The following SMAD6 variants were observed in gnomAD, a reference collection of about 807,000 sequenced individuals.
The protein encoded by SMAD6 is MAD homolog 6.
In SMAD6, 103 loss-of-function variants were observed where a neutral mutation model predicts 39.4. The ratio of observed to expected loss-of-function variants is 2.62; its 90% CI spans 2.23 to 3.08. The LOEUF (loss-of-function observed/expected upper bound fraction) is 3.08, where lower values mean the gene tolerates loss of function less well. Among genes scored for constraint, SMAD6 ranks in the 30% most tolerant of loss-of-function variants. The pLI, the probability that SMAD6 is intolerant of heterozygous loss-of-function variation, is 0.00. For missense variants in SMAD6, 1,104 were observed against 742.9 expected, an observed-to-expected ratio of 1.49 and a Z score of -5.65; for synonymous variants, 445 against 353.3, an observed-to-expected ratio of 1.26 and a Z score of -2.91.
intron 3 of SMAD6, among the ~76,000 whole-genome samples, chr15:66,766,048 A>C (rs1477510279): frequency 1.3e-5 from 2 of 152,212 alleles, no homozygotes; most frequent in Admixed American, 6.5e-5. Flanking sequence ...GGGAAGGAAA[A>C]GTTTGACTTT....
At position 66,703,431 on chromosome 15, in the gene SMAD6, C is replaced by G. The variant is rs756752655; in HGVS notation, c.173C>G (p.Ser58Cys). The change falls in exon 1 of 4, where the codon TCC becomes TGC. Residue 58 changes from serine to cysteine, a missense_variant. By Grantham distance (112) the Ser-to-Cys change is moderately radical. Transcript: ENST00000288840. ...AGAGAGGGCGGAGGCTGCGGCCGCT[C>G]CGAAGTCCGCCCGGTAGCCCCGCGG... ...RAREGGGCGR[S>C]EVRPVAPRRP... 271 of 1,292,696 alleles carry G rather than the reference C, an allele frequency of 2.1e-4. 1 individual carries two copies. Among genetic ancestry groups the G allele is most frequent in the Non-Finnish European group, 2.4e-4 (248 of 1,017,248 alleles). 80.1% of individuals were successfully genotyped at this position (1,292,696 alleles called of 1,614,324 possible).
chr15:66,758,343 A>T (rs1174340843), intron 3 of SMAD6, among the ~76,000 whole-genome samples: 1 of 152,164 alleles, frequency 6.6e-6, no homozygotes, highest in Non-Finnish European at 1.5e-5. Context: ...CAACAACAAA[A>T]CATGATAAAT....
intron 1 of SMAD6, chr15:66,705,658 G>T (rs1386244945): frequency 3.9e-5 from 6 of 152,132 alleles, no homozygotes; most frequent in African/African-American, 1.5e-4. Context: ...GCAGATGTTT[G>T]TTGAGCAATT....
intron 3 of SMAD6, among the ~76,000 whole-genome samples, chr15:66,719,224 G>A (rs1314168251): frequency 1.3e-5 from 2 of 152,218 alleles, no homozygotes; most frequent in African/African-American, 4.8e-5. Context: ...CTCACACCCT[G>A]AGGGCCCTGC....
At chr15:66,739,751 C>G (rs949575438) in intron 3 of SMAD6, among the ~76,000 whole-genome samples, 2 of 152,040 alleles carry the variant, frequency 1.3e-5, no homozygotes, top group South Asian at 4.1e-4. Context: ...ATCTGACTGT[C>G]CAGAGATAAC....
intron 3 of SMAD6, among the ~76,000 whole-genome samples, chr15:66,751,420 C>T (rs558425977): frequency 1.3e-5 from 2 of 152,206 alleles, no homozygotes; most frequent in South Asian, 4.1e-4. Context: ...CATTCCCACT[C>T]CCTTCCCTTC....
chr15:66,755,668 C>T (rs1235678343), intron 3 of SMAD6, among the ~76,000 whole-genome samples: 1 of 152,204 alleles, frequency 6.6e-6, no homozygotes, highest in Non-Finnish European at 1.5e-5. Context: ...TACCTGGGCT[C>T]CAGGTGGAAG....
intron 3 of SMAD6, among the ~76,000 whole-genome samples, chr15:66,770,312 GAGAACTC>G (rs1377247572): frequency 6.6e-6 from 1 of 152,192 alleles, no homozygotes; most frequent in Non-Finnish European, 1.5e-5. Context: ...TGCCTGAGAT[GAGAACTC>G]AGGCCCAGCC....
At chr15:66,754,555 CT>C (rs1391337778) in intron 3 of SMAD6, among the ~76,000 whole-genome samples, 5 of 152,132 alleles carry the variant, frequency 3.3e-5, no homozygotes, top group Non-Finnish European at 7.4e-5. Flanking sequence ...TTCATTTATT[CT>C]CATTTTCATA....
chr15:66,742,449 C>T (rs1893831662), intron 3 of SMAD6, among the ~76,000 whole-genome samples: 1 of 152,094 alleles, frequency 6.6e-6, no homozygotes, highest in Admixed American at 6.5e-5. Flanking sequence ...GGCTTCTTCC[C>T]AGTGCGCCTG....
Position 66,781,028 on chromosome 15 carries a change from G to T in SMAD6, c.984G>T (p.Pro328=). 6.3e-7 allele frequency: 1 copy of T among 1,594,288 alleles called. No individual in the cohort carries two copies. Among genetic ancestry groups the T allele is most frequent in the African/African-American group, 1.3e-5 (1 of 74,736 alleles). Reference sequence around the variant, plus strand: ...GCATGTCTCCGGACGCCACCAAGCCGAGCCACTGGTGCAGCGTGGCGTACT... The same window carrying T: ...GCATGTCTCCGGACGCCACCAAGCCTAGCCACTGGTGCAGCGTGGCGTACT... The part of the protein sequence containing the change: ...DASMSPDATK[P]SHWCSVAYWE... Residue 328 remains proline, a synonymous_variant, in exon 4 of 4, where the codon CCG becomes CCT. Coordinates refer to ENST00000288840, the MANE Select transcript of SMAD6 (RefSeq NM_005585.5).
chr15:66,742,926 C>A (rs148164936), intron 3 of SMAD6, among the ~76,000 whole-genome samples: 130 of 152,274 alleles, frequency 8.5e-4, no homozygotes, highest in Middle Eastern at 3.4e-3. Flanking sequence ...CCTAGAGTCC[C>A]CCACCTGGAG....
At chr15:66,710,078 C>G (rs1893197949) in intron 1 of SMAD6, among the ~76,000 whole-genome samples, 1 of 152,188 alleles carries the variant, frequency 6.6e-6, no homozygotes, top group Non-Finnish European at 1.5e-5. Flanking sequence ...TATTGGGTGG[C>G]AGAGCAGAGT....
chr15:66,716,375 C>T (rs771055433), intron 2 of SMAD6, 46 bp from the exon 3 acceptor site: 140 of 1,346,510 alleles, frequency 1.0e-4, no homozygotes, highest in South Asian at 1.6e-4. Context: ...AAAAAGAGAG[C>T]GCTGCCCCAC....
At chr15:66,705,175 G>A (rs983290440) in intron 1 of SMAD6, 2 of 152,346 alleles carry the variant, frequency 1.3e-5, no homozygotes, top group African/African-American at 4.8e-5. Flanking sequence ...AGCACAGAGA[G>A]GGTCAGGTTG....
chr15:66,781,853 T>TA lies in SMAD6; in HGVS notation c.*318_*319insA. On this transcript the variant is annotated 3_prime_UTR_variant, in exon 4 of 4. Coordinates refer to ENST00000288840, the MANE Select transcript of SMAD6 (RefSeq NM_005585.5). ...TCTTCCTCCTTCCTCTTCCTTACTT[T>TA]TTATATATATATATAAAGAAAATGA... The TA allele has an allele frequency of 2.5e-6, 1 of 398,638 alleles. No individual in the cohort carries two copies. The allele number at this position is 398,638 out of a possible 1,614,324, so 24.7% of individuals were successfully genotyped here. A position where few individuals can be genotyped will look rare whatever the true frequency, so the allele number is the denominator to read the frequency against.
intron 2 of SMAD6, among the ~76,000 whole-genome samples, 199 bp from the exon 3 acceptor site, chr15:66,716,222 T>C (rs1172415680): frequency 6.6e-6 from 1 of 152,028 alleles, no homozygotes; most frequent in Admixed American, 6.6e-5. Flanking sequence ...TCCAGAAGAG[T>C]TCCTGGGCTG....
chr15:66,779,733 A>C (rs1488920039), intron 3 of SMAD6, among the ~76,000 whole-genome samples: 1 of 152,358 alleles, frequency 6.6e-6, no homozygotes, highest in South Asian at 2.1e-4. Flanking sequence ...TCAGAAAAAG[A>C]GCCATGAATT....
At chr15:66,711,583 TG>T in intron 1 of SMAD6, 84 bp from the exon 2 acceptor site, 1 of 1,054,806 alleles carries the variant, frequency 9.5e-7, no homozygotes, top group Non-Finnish European at 1.5e-6. Flanking sequence ...GTTTATTATT[TG>T]GGAAACCAGT....
Sources: gnomAD v4.1 joint callset for allele counts (sites outside exome capture counted in the v4.1 genomes callset) on GRCh38, gnomAD v4.1.1 for gene constraint, MANE v1.5 for transcripts, NCBI Gene and HGNC (gene_info 2026-07-23, HGNC 2026-07-21) for gene names.